TPO: variants seen among roughly 807,000 people sequenced by gnomAD.
TPO encodes the protein thyroid peroxidase, also known as thyroid microsomal antigen.
TPO carries 78 observed loss-of-function variants against 96.9 expected under a neutral mutation model. The ratio of observed to expected loss-of-function variants is 0.81; its 90% CI spans 0.67 to 0.97. TPO has a LOEUF of 0.97. Among genes scored for constraint, TPO ranks in the 50% least tolerant of loss-of-function variants. The pLI is 0.00. For missense variants in TPO, 1,252 were observed against 1,274.8 expected (o/e 0.98, Z 0.27); for synonymous variants, 547 against 538.0 (o/e 1.02, Z -0.23).
At chr2:1,401,518 A>G (rs73181077) in intron 1 of TPO, among the ~76,000 whole-genome samples, 3,120 of 152,064 alleles carry the variant, frequency 0.021, 112 homozygotes, top group African/African-American at 0.072. Context: ...TCCCAGCGAG[A>G]ATGCTGACAC....
intron 2 of TPO, among the ~76,000 whole-genome samples, chr2:1,418,943 C>G (rs549114262): frequency 1.3e-5 from 2 of 152,274 alleles, no homozygotes; most frequent in Admixed American, 1.3e-4. Flanking sequence ...GAATTAGGAG[C>G]AAAGCTCTGG....
At chr2:1,395,375 T>C (rs995354702) in intron 1 of TPO, among the ~76,000 whole-genome samples, 3 of 152,240 alleles carry the variant, frequency 2.0e-5, no homozygotes, top group Non-Finnish European at 2.9e-5. Flanking sequence ...GAATCAAGTT[T>C]GCTTTGGATT....
chr2:1,471,372 C>A (rs914971279), intron 7 of TPO, among the ~76,000 whole-genome samples: 1 of 151,958 alleles, frequency 6.6e-6, no homozygotes. Flanking sequence ...ATGCTGAAAG[C>A]GAGTTGAGTT....
Position 1,423,131 on chromosome 2 carries a change from T to A in TPO, c.179+2T>A. 6.2e-7 allele frequency: 1 copy of A among 1,613,510 alleles called. No individual in the cohort carries two copies. Among genetic ancestry groups the A allele is most frequent in the Non-Finnish European group, 8.5e-7 (1 of 1,180,000 alleles). ...CGCCATGTACGCCACGATGCAGAGG[T>A]GAGCCTTGCGGAGGGGCCGCCGCCC... On this transcript the variant is annotated splice_donor_variant, in intron 3 of 16. Coordinates refer to ENST00000329066, the MANE Select transcript of TPO (RefSeq NM_001206744.2). LOFTEE classifies it high-confidence loss of function.
At chr2:1,489,116 C>T (rs1474472022) in intron 10 of TPO, among the ~76,000 whole-genome samples, 1 of 151,014 alleles carries the variant, frequency 6.6e-6, no homozygotes, top group African/African-American at 2.4e-5. Context: ...CTACACATGA[C>T]CAGCACATGC....
chr2:1,535,722 C>CA, intron 15 of TPO, among the ~76,000 whole-genome samples: 2 of 97,000 alleles, frequency 2.1e-5, no homozygotes, highest in African/African-American at 3.6e-5. Flanking sequence ...CGAAATCCAC[C>CA]CAGTGTGTGC....
chr2:1,515,817 A>T (rs1674640569), intron 14 of TPO, among the ~76,000 whole-genome samples: 1 of 152,126 alleles, frequency 6.6e-6, no homozygotes, highest in Non-Finnish European at 1.5e-5. Context: ...TCTGTCTGGT[A>T]CCTGAATGTG....
intron 7 of TPO, among the ~76,000 whole-genome samples, chr2:1,467,153 G>C (rs1351560149): frequency 2.0e-5 from 3 of 151,968 alleles, no homozygotes; most frequent in African/African-American, 7.3e-5. Context: ...GCCCAGGCTG[G>C]AGTGTAGTGG....
At chr2:1,535,745 TCCC>T (rs1385388684) in intron 15 of TPO, among the ~76,000 whole-genome samples, 9 of 50,414 alleles carry the variant, frequency 1.8e-4, no homozygotes, top group African/African-American at 6.6e-4. Flanking sequence ...CCTCCCCAAA[TCCC>T]CCCACTCTGT....
At chr2:1,413,698 G>A in intron 1 of TPO, 153 bp downstream of exon 1, 3 of 985,716 alleles carry the variant, frequency 3.0e-6, no homozygotes, top group Non-Finnish European at 3.6e-6. Flanking sequence ...GATGAGTGCT[G>A]TTTGCAATGA....
At chr2:1,484,469 TTATTA>T (rs1670933403) in intron 8 of TPO, 122 bp from the exon 9 acceptor site, 2 of 1,237,122 alleles carry the variant, frequency 1.6e-6, no homozygotes, top group Non-Finnish European at 2.3e-6. Context: ...GCTGAGGCCC[TTATTA>T]CAAGACGAGA....
chr2:1,541,003 G>GGATC (rs1206980807), intron 16 of TPO: 36 of 1,398,032 alleles, frequency 2.6e-5, no homozygotes, highest in Non-Finnish European at 3.2e-5. Context: ...CTTAATCTGA[G>GGATC]GATCGGCTGG....
At chr2:1,376,940 T>C (rs1661732038) in intron 1 of TPO, among the ~76,000 whole-genome samples, 1 of 152,078 alleles carries the variant, frequency 6.6e-6, no homozygotes, top group Non-Finnish European at 1.5e-5. Context: ...TGAAGACAGC[T>C]TTTGGTCAGG....
chr2:1,489,188 A>G (rs993924681), intron 10 of TPO, among the ~76,000 whole-genome samples: 47 of 135,046 alleles, frequency 3.5e-4, no homozygotes, highest in African/African-American at 1.3e-3. Flanking sequence ...GCCTGCACAT[A>G]CCCATCACAT....
intron 1 of TPO, among the ~76,000 whole-genome samples, chr2:1,389,336 C>CA (rs1338448551): frequency 2.0e-5 from 3 of 152,164 alleles, no homozygotes; most frequent in African/African-American, 7.2e-5. Flanking sequence ...ATTGAACAAA[C>CA]AAATGTATTT....
At chr2:1,414,127 T>A (rs2148397919) in intron 1 of TPO, among the ~76,000 whole-genome samples, 1 of 152,336 alleles carries the variant, frequency 6.6e-6, no homozygotes. Context: ...TTAAATAGGT[T>A]ATTACTGAGA....
chr2:1,403,741 T>C (rs901536660), intron 1 of TPO, among the ~76,000 whole-genome samples: 7 of 152,218 alleles, frequency 4.6e-5, no homozygotes, highest in Non-Finnish European at 1.0e-4. Flanking sequence ...ATCTCCCTCC[T>C]TCCGAGCACA....
chr2:1,468,681 G>T (rs898184631), intron 7 of TPO, among the ~76,000 whole-genome samples: 1 of 152,182 alleles, frequency 6.6e-6, no homozygotes, highest in Non-Finnish European at 1.5e-5. Flanking sequence ...ATGACAATGT[G>T]CCTGGGCAAT....
At chr2:1,510,786 G>C (rs1425776763) in intron 14 of TPO, among the ~76,000 whole-genome samples, 2 of 152,116 alleles carry the variant, frequency 1.3e-5, no homozygotes, top group Admixed American at 6.5e-5. Context: ...CAGGTGCCCA[G>C]GGCTTCTCCT....
Sources: allele counts gnomAD v4.1 joint callset (sites outside exome capture counted in the v4.1 genomes callset), GRCh38; gene constraint gnomAD v4.1.1; transcripts MANE v1.5; gene names NCBI Gene and HGNC (gene_info 2026-07-23, HGNC 2026-07-21).